Variants in CYRIB observed in about 807,000 individuals in gnomAD.
The protein encoded by CYRIB is CYFIP related Rac1 interactor B.
CYRIB carries 8 observed loss-of-function variants against 44.2 expected under a neutral mutation model. The ratio of observed to expected loss-of-function variants is 0.18; its 90% confidence interval spans 0.11 to 0.33. The LOEUF is 0.33. CYRIB is among the 10% of genes least tolerant of loss of function. The pLI, the probability that CYRIB is intolerant of heterozygous loss-of-function variation, is 1.00. For synonymous variants in CYRIB, 131 were observed against 127.2 expected (o/e 1.03, Z -0.20); for missense variants, 185 against 382.8 (o/e 0.48, Z 4.31).
intron 1 of CYRIB, among the ~76,000 whole-genome samples, chr8:129,926,643 G>C (rs72718392): frequency 6.6e-6 from 1 of 152,270 alleles, no homozygotes; most frequent in African/African-American, 2.4e-5. Flanking sequence ...CAGAATTTGC[G>C]AATTCAACCT....
intron 1 of CYRIB, among the ~76,000 whole-genome samples, chr8:129,917,225 T>C (rs985716547): frequency 3.9e-5 from 6 of 152,142 alleles, no homozygotes; most frequent in Non-Finnish European, 7.3e-5. Flanking sequence ...ATACCATTCA[T>C]CCATCCAAGT....
intron 1 of CYRIB, among the ~76,000 whole-genome samples, chr8:129,995,416 G>GA (rs1283979376): frequency 6.6e-6 from 1 of 152,166 alleles, no homozygotes; most frequent in Non-Finnish European, 1.5e-5. Flanking sequence ...GTCATTTCCA[G>GA]AAACATCCCT....
chr8:129,972,387 A>G (rs1460561206), intron 1 of CYRIB, among the ~76,000 whole-genome samples: 2 of 152,094 alleles, frequency 1.3e-5, no homozygotes, highest in Non-Finnish European at 2.9e-5. Context: ...ACTTGAGCCC[A>G]GTAATTTAGG....
At chr8:129,937,005 C>A (rs1564198172) in intron 1 of CYRIB, among the ~76,000 whole-genome samples, 1 of 152,148 alleles carries the variant, frequency 6.6e-6, no homozygotes, top group Non-Finnish European at 1.5e-5. Flanking sequence ...CTGCGCCCAG[C>A]CAGCAGTCTT....
chr8:129,983,462 AAT>A (rs199881625), intron 1 of CYRIB, among the ~76,000 whole-genome samples: 3 of 151,808 alleles, frequency 2.0e-5, no homozygotes, highest in South Asian at 2.1e-4. Context: ...AAGAAAAATA[AAT>A]ATATATATAT....
chr8:129,990,197 T>C (rs549844678), intron 1 of CYRIB, among the ~76,000 whole-genome samples: 8 of 152,320 alleles, frequency 5.3e-5, no homozygotes, highest in African/African-American at 1.9e-4. Context: ...AGGTGCTCCA[T>C]AAACACGTGA....
At chr8:129,969,513 T>C (rs914069687) in intron 2 of CYRIB, among the ~76,000 whole-genome samples, 1 of 152,206 alleles carries the variant, frequency 6.6e-6, no homozygotes, top group Non-Finnish European at 1.5e-5. Flanking sequence ...CACATTAAAA[T>C]TGTATCTACT....
intron 3 of CYRIB, among the ~76,000 whole-genome samples, chr8:129,873,723 T>C (rs928418363): frequency 6.6e-6 from 1 of 152,030 alleles, no homozygotes; most frequent in African/African-American, 2.4e-5. Context: ...AATGTGACAC[T>C]GAGACTTAAC....
intron 3 of CYRIB, 29 bp from the exon 6 acceptor site, chr8:129,871,525 T>C: frequency 6.3e-7 from 1 of 1,599,472 alleles, no homozygotes; most frequent in Non-Finnish European, 8.5e-7. Flanking sequence ...CAAGAAAATT[T>C]ACAGTGACAT....
exon 4 of CYRIB, chr8:129,871,487 G>A (rs1247807710): frequency 6.2e-7 from 1 of 1,607,834 alleles, no homozygotes; most frequent in African/African-American, 1.3e-5. Context: ...AGACTCTGTA[G>A]GCTGGGCATC....
intron 2 of CYRIB, chr8:129,879,683 C>T (rs1165895431): frequency 2.1e-6 from 1 of 473,344 alleles, no homozygotes; most frequent in Admixed American, 4.0e-5. Flanking sequence ...TTCCTGTACA[C>T]AATGGCACAA....
chr8:129,887,985 T>C (rs1212327520), intron 2 of CYRIB, among the ~76,000 whole-genome samples: 1 of 152,174 alleles, frequency 6.6e-6, no homozygotes, highest in African/African-American at 2.4e-5. Context: ...AGTTAAGACT[T>C]GAGGGACTGC....
At chr8:129,881,474 C>T (rs2060786339) in intron 2 of CYRIB, among the ~76,000 whole-genome samples, 1 of 152,212 alleles carries the variant, frequency 6.6e-6, no homozygotes, top group Non-Finnish European at 1.5e-5. Context: ...GTTAGCACTT[C>T]CCGTCACCTG....
At chr8:129,905,988 T>C (rs2075142108) in intron 1 of CYRIB, among the ~76,000 whole-genome samples, 1 of 152,172 alleles carries the variant, frequency 6.6e-6, no homozygotes, top group South Asian at 2.1e-4. Context: ...TGCTCATGGA[T>C]AGGGGAAAAA....
At chr8:130,001,775 C>T (rs961066200) in intron 1 of CYRIB, among the ~76,000 whole-genome samples, 2 of 151,964 alleles carry the variant, frequency 1.3e-5, no homozygotes, top group South Asian at 2.1e-4. Flanking sequence ...CCACTGCACC[C>T]GGCCCTGAAA....
intron 2 of CYRIB, among the ~76,000 whole-genome samples, chr8:129,953,148 G>A (rs2094589393): frequency 6.6e-6 from 1 of 152,158 alleles, no homozygotes; most frequent in Non-Finnish European, 1.5e-5. Context: ...GGGATGAAAG[G>A]CACACTACTT....
At chr8:129,852,452 C>T (rs1564088518) in intron 7 of CYRIB, among the ~76,000 whole-genome samples, 174 bp from the exon 10 acceptor site, 2 of 151,836 alleles carry the variant, frequency 1.3e-5, no homozygotes, top group Non-Finnish European at 2.9e-5. Flanking sequence ...AAAGATTAAC[C>T]TCTTCAAAAA....
At chr8:130,006,673 T>C (rs762539585) in intron 1 of CYRIB, among the ~76,000 whole-genome samples, 37 of 36,314 alleles carry the variant, frequency 1.0e-3, no homozygotes, top group East Asian at 2.1e-3. Context: ...TATATATATA[T>C]GTATATATAT....
At chr8:129,850,076 C>T (rs1329176243) in intron 9 of CYRIB, 3 of 152,208 alleles carry the variant, frequency 2.0e-5, no homozygotes, top group Admixed American at 2.0e-4. Context: ...TTTCCCAGGA[C>T]CTCACTCCCT....
Sources: allele counts gnomAD v4.1 joint callset (sites outside exome capture counted in the v4.1 genomes callset), GRCh38; gene constraint gnomAD v4.1.1; transcripts MANE v1.5; gene names NCBI Gene and HGNC (gene_info 2026-07-23, HGNC 2026-07-21).